The following MTHFD1L variants were observed in gnomAD, a reference collection of about 807,000 sequenced individuals.
MTHFD1L encodes monofunctional C1-tetrahydrofolate synthase, mitochondrial.
A neutral mutation model predicts 119.5 loss-of-function variants in MTHFD1L; 81 were observed. That is an observed-to-expected ratio of 0.68 (90% CI 0.57 to 0.82). The LOEUF is 0.82. Ranked by LOEUF, MTHFD1L falls within the 40% of genes least tolerant of loss-of-function variation. MTHFD1L has a pLI of 0.00. For missense variants in MTHFD1L, 1,125 were observed against 1,253.4 expected, an observed-to-expected ratio of 0.90 and a Z score of 1.55; for synonymous variants, 430 against 475.2, an observed-to-expected ratio of 0.90 and a Z score of 1.24.
At chr6:151,014,162 G>A (rs1010142111) in intron 22 of MTHFD1L, among the ~76,000 whole-genome samples, 1 of 152,056 alleles carries the variant, frequency 6.6e-6, no homozygotes, top group African/African-American at 2.4e-5. Flanking sequence ...AGCTGCGATC[G>A]CACCACTGTA....
At chr6:151,007,796 TGTAA>T (rs1273462276) in intron 20 of MTHFD1L, among the ~76,000 whole-genome samples, 4 of 152,234 alleles carry the variant, frequency 2.6e-5, no homozygotes, top group African/African-American at 9.6e-5. Flanking sequence ...GGATTGTTAC[TGTAA>T]GTGATTTTCT....
At chr6:150,958,371 C>A (rs1321738371) in intron 17 of MTHFD1L, among the ~76,000 whole-genome samples, 1 of 152,132 alleles carries the variant, frequency 6.6e-6, no homozygotes, top group Non-Finnish European at 1.5e-5. Context: ...CAGGCTATCA[C>A]AAGTAAGCTG....
chr6:150,923,545 T>A (rs1231497793), intron 10 of MTHFD1L, among the ~76,000 whole-genome samples: 1 of 24,032 alleles, frequency 4.2e-5, no homozygotes, highest in South Asian at 1.4e-3. Context: ...TTATTTTTTC[T>A]TTTTTTTTTT....
At chr6:150,937,258 A>G (rs1424709298) in intron 12 of MTHFD1L, among the ~76,000 whole-genome samples, 1 of 152,018 alleles carries the variant, frequency 6.6e-6, no homozygotes, top group Non-Finnish European at 1.5e-5. Flanking sequence ...ACGGCCATCC[A>G]TATCGGTGTT....
chr6:151,039,952 A>ACATACATG lies in MTHFD1L; in HGVS notation c.2847+2838_2847+2839insACATGCAT, dbSNP rs1436587057. 2.7e-5 allele frequency among the ~76,000 whole-genome samples: 4 copies of ACATACATG among 148,490 alleles called. No homozygotes were observed. The highest frequency in any genetic ancestry group is 1.0e-4 in the African/African-American group (4 of 39,864). ...TACATACATACATACATACATGCAT[A>ACATACATG]CATGCATACATGCATACATAGAATG... On this transcript the variant is annotated intron_variant, in intron 26 of 27. Coordinates refer to ENST00000367321, the MANE Select transcript of MTHFD1L (RefSeq NM_015440.5). The surrounding 1 kb of genome is among the most constrained non-coding windows in gnomAD (Gnocchi z 4.4).
chr6:150,965,657 T>A (rs1797096872), intron 19 of MTHFD1L, among the ~76,000 whole-genome samples: 1 of 89,264 alleles, frequency 1.1e-5, no homozygotes. Flanking sequence ...CGAGACTCCG[T>A]CTGAAAAAAA....
chr6:151,071,258 G>A (rs537468495), intron 26 of MTHFD1L, among the ~76,000 whole-genome samples: 3 of 152,212 alleles, frequency 2.0e-5, no homozygotes, highest in Admixed American at 1.3e-4. Flanking sequence ...TGAAATTTTG[G>A]TCAAAATTGG....
At chr6:151,005,224 C>T (rs1478650917) in intron 20 of MTHFD1L, among the ~76,000 whole-genome samples, 2 of 152,048 alleles carry the variant, frequency 1.3e-5, no homozygotes, top group African/African-American at 4.8e-5. Context: ...TATCAAGGCC[C>T]CCTAAGGCAC....
chr6:150,960,734 CTT>C (rs1199671451), intron 18 of MTHFD1L, among the ~76,000 whole-genome samples: 4 of 152,098 alleles, frequency 2.6e-5, no homozygotes, highest in Non-Finnish European at 5.9e-5. Context: ...CACTTGGTGA[CTT>C]TTAAAAAATG....
chr6:151,066,291 G>C (rs1261371761), intron 26 of MTHFD1L, among the ~76,000 whole-genome samples: 1 of 151,438 alleles, frequency 6.6e-6, no homozygotes, highest in African/African-American at 2.4e-5. Flanking sequence ...AAAAAAATCA[G>C]CCTGGCGTGG....
Position 150,949,052 on chromosome 6 carries a change from G to T in MTHFD1L, c.1645G>T (p.Asp549Tyr). ...RLKKLGINKT[D>Y]PSTLTEEEVS... ...TTAGAAACTGGGAATAAATAAGACT[G>T]ATCCGAGCACACTGACAGAAGAGGA... The change falls in exon 16 of 28, where the codon GAT becomes TAT. Residue 549 changes from aspartate (D) to tyrosine (Y), a missense_variant. Asp to Tyr is a radical substitution (Grantham distance 160). This residue lies in a region of MTHFD1L where 1,058 missense variants were observed against 1,151.2 expected (regional missense o/e 0.92). Coordinates refer to ENST00000367321, the MANE Select transcript of MTHFD1L (RefSeq NM_015440.5). 8 of 1,613,858 alleles carry T rather than the reference G, an allele frequency of 5.0e-6. No homozygotes were observed. Among genetic ancestry groups the T allele is most frequent in the Non-Finnish European group, 6.8e-6 (8 of 1,179,916 alleles).
At chr6:150,890,069 T>C (rs572351045) in intron 7 of MTHFD1L, among the ~76,000 whole-genome samples, 2 of 152,144 alleles carry the variant, frequency 1.3e-5, no homozygotes, top group East Asian at 3.9e-4. Flanking sequence ...GGCAGGAGAA[T>C]TGCTTGAACC....
intron 26 of MTHFD1L, chr6:151,054,924 C>T (rs1024532978): frequency 8.6e-5 from 13 of 152,002 alleles, no homozygotes; most frequent in African/African-American, 3.1e-4. Context: ...CATAGAAAAG[C>T]AAGCAGGAAT....
rs764491999 is a variant in MTHFD1L at position 150,885,655 on chromosome 6, G to A, written c.564G>A (p.Gly188=). 2 of 1,613,968 alleles carry A rather than the reference G, an allele frequency of 1.2e-6. No homozygotes were observed. The highest frequency in any genetic ancestry group is 2.2e-5 in the South Asian group (2 of 91,046). Residue 188 remains glycine (G), a synonymous_variant, in exon 6 of 28, where the codon GGG becomes GGA. Coordinates refer to ENST00000367321, the MANE Select transcript of MTHFD1L (RefSeq NM_015440.5). The part of the protein sequence containing the change: ...DVDGVTDINL[G]KLVRGDAHEC... ...TCAGAGTAACAGACATAAACCTGGG[G>A]AAGCTGGTGCGAGGGGATGCCCATG...
intron 24 of MTHFD1L, 59 bp from the exon 25 acceptor site, chr6:151,034,434 T>C: frequency 8.1e-7 from 1 of 1,239,576 alleles, no homozygotes; most frequent in Non-Finnish European, 1.2e-6. Flanking sequence ...CTAAAGTTTT[T>C]AAAAAATCTT....
chr6:151,063,276 A>G (rs1790857362), intron 26 of MTHFD1L, among the ~76,000 whole-genome samples: 1 of 152,220 alleles, frequency 6.6e-6, no homozygotes, highest in Non-Finnish European at 1.5e-5. Flanking sequence ...GTAGGTGTCA[A>G]GTAAAACTTA....
intron 1 of MTHFD1L, chr6:150,866,327 G>A (rs1233425823): frequency 5.5e-6 from 8 of 1,455,368 alleles, no homozygotes; most frequent in Admixed American, 2.6e-5. Flanking sequence ...CCGCACGCCC[G>A]GCTCCACGTG....
At chr6:150,912,545 C>A (rs1460017780) in intron 8 of MTHFD1L, 1 of 313,094 alleles carries the variant, frequency 3.2e-6, no homozygotes. Context: ...ATCCCTCCCA[C>A]TGCAGTGATT....
chr6:150,890,405 A>G (rs568293787), intron 7 of MTHFD1L, among the ~76,000 whole-genome samples: 1 of 152,192 alleles, frequency 6.6e-6, no homozygotes, highest in Admixed American at 6.5e-5. Context: ...GCCAGGTTCA[A>G]GGGAGACAGG....
Sources: allele counts gnomAD v4.1 joint callset (sites outside exome capture counted in the v4.1 genomes callset), GRCh38; gene constraint gnomAD v4.1.1; regional missense constraint gnomAD v4.1.1; non-coding constraint Gnocchi (gnomAD v3.1); transcripts MANE v1.5; gene names NCBI Gene and HGNC (gene_info 2026-07-23, HGNC 2026-07-21).